ASH2L: variants seen among roughly 807,000 people sequenced by gnomAD.
The protein encoded by ASH2L is ASH2 like, histone lysine methyltransferase complex subunit.
Under a neutral mutation model 81.1 loss-of-function variants are expected in ASH2L, and 30 were observed. That is an observed-to-expected ratio of 0.37 (90% CI 0.28 to 0.50). The LOEUF is 0.50. ASH2L is among the 20% of genes least tolerant of loss of function. The pLI is 0.95. For missense variants in ASH2L, 559 were observed against 792.1 expected (o/e 0.71, Z 3.53); for synonymous variants, 273 against 279.9 (o/e 0.98, Z 0.24).
intron 12 of ASH2L, among the ~76,000 whole-genome samples, chr8:38,131,910 G>A (rs1459908270): frequency 2.6e-5 from 4 of 151,670 alleles, no homozygotes; most frequent in Non-Finnish European, 5.9e-5. Flanking sequence ...GCAGTGGTAC[G>A]CAGTCTCGGC....
At chr8:38,118,033 T>G (rs1403710861) in intron 8 of ASH2L, among the ~76,000 whole-genome samples, 1 of 152,220 alleles carries the variant, frequency 6.6e-6, no homozygotes, top group East Asian at 1.9e-4. Flanking sequence ...CACTCCAGCT[T>G]GGGCAACAGA....
chr8:38,120,831 G>A (rs1811114867), intron 9 of ASH2L, 101 bp from the exon 10 acceptor site: 1 of 931,322 alleles, frequency 1.1e-6, no homozygotes, highest in East Asian at 2.4e-5. Flanking sequence ...GAAGTTGCAT[G>A]TATTCTAGCT....
chr8:38,109,567 C>G (rs1284374089), intron 3 of ASH2L, among the ~76,000 whole-genome samples: 1 of 152,202 alleles, frequency 6.6e-6, no homozygotes, highest in Non-Finnish European at 1.5e-5. Flanking sequence ...TTTCTCTTCT[C>G]AAATGCGTTG....
intron 14 of ASH2L, 61 bp downstream of exon 14, chr8:38,135,827 T>A: frequency 1.5e-6 from 2 of 1,335,916 alleles, no homozygotes; most frequent in Non-Finnish European, 2.1e-6. Flanking sequence ...TGGGTTGTGA[T>A]GACAAAGTTA....
chr8:38,117,402 TTTAA>T (rs1810952000), intron 8 of ASH2L: 1 of 975,806 alleles, frequency 1.0e-6, no homozygotes, highest in African/African-American at 1.8e-5. Context: ...ATTTTCCCGT[TTTAA>T]TTGTTAAAAT....
At chr8:38,106,236 G>T (rs1386611759) in intron 1 of ASH2L, 142 bp from the exon 2 acceptor site, 2 of 1,368,404 alleles carry the variant, frequency 1.5e-6, no homozygotes, top group Non-Finnish European at 2.0e-6. Context: ...ACAGTACCTT[G>T]GGCATCCAGT....
At chr8:38,138,331 A>AGG (rs1300740192) in intron 14 of ASH2L, 1 of 154,102 alleles carries the variant, frequency 6.5e-6, no homozygotes, top group Non-Finnish European at 1.4e-5. Context: ...AGGGGAAAGT[A>AGG]GGAGGGTATG....
At position 38,128,857 on chromosome 8, in the gene ASH2L, C is replaced by A. The variant is rs34167006; in HGVS notation, c.1433C>A (p.Ser478Tyr). The A allele has an allele frequency of 1.2e-6, 2 of 1,614,158 alleles. No individual in the cohort carries two copies. Among genetic ancestry groups the A allele is most frequent in the Non-Finnish European group, 1.7e-6 (2 of 1,180,032 alleles). ...CAGTCCATTGGCAAACACTACTCTT[C>A]TGGCTATGGACAGGGAGACGTCCTG... ...FHQSIGKHYS[S>Y]GYGQGDVLGF... The change falls in exon 12 of 16, where the codon TCT (serine) becomes TAT (tyrosine). Residue 478 changes from serine (S) to tyrosine (Y), a missense_variant. Physicochemically the swap from Ser to Tyr is moderately radical, Grantham distance 144. Coordinates refer to ENST00000343823, the MANE Select transcript of ASH2L (RefSeq NM_004674.5).
At chr8:38,121,343 A>G (rs397833580) in intron 10 of ASH2L, among the ~76,000 whole-genome samples, 194 bp downstream of exon 10, 1 of 35,248 alleles carries the variant, frequency 2.8e-5, no homozygotes, top group African/African-American at 8.7e-5. Flanking sequence ...TTATATATAT[A>G]TATATATATA....
In ASH2L at chr8:38,139,593, C is replaced by T. The variant is rs1802398561; in HGVS notation, c.*522C>T. 1 of 152,588 alleles carries T rather than the reference C, an allele frequency of 6.6e-6. No individual in the cohort carries two copies. Among genetic ancestry groups the T allele is most frequent in the African/African-American group, 2.4e-5 (1 of 41,454 alleles). 9.5% of individuals were successfully genotyped at this position (152,588 alleles called of 1,614,324 possible). A position where few individuals can be genotyped will look rare whatever the true frequency, so the allele number is the denominator to read the frequency against. ...GTTCATTTTGAAATACACTTTTGAA[C>T]ACTGAGATCCGTAAAACTACTAGAT... is the stretch of plus-strand genomic sequence containing the variant. On this transcript the variant is annotated 3_prime_UTR_variant, in exon 16 of 16. Coordinates refer to ENST00000343823, the MANE Select transcript of ASH2L (RefSeq NM_004674.5).
chr8:38,123,087 T>TC (rs1215621297), intron 10 of ASH2L, among the ~76,000 whole-genome samples: 47 of 143,584 alleles, frequency 3.3e-4, no homozygotes, highest in African/African-American at 1.2e-3. Context: ...AATTTCTTTT[T>TC]TTTTTTTTTT....
At chr8:38,136,224 T>C (rs1480665658) in intron 14 of ASH2L, among the ~76,000 whole-genome samples, 1 of 141,142 alleles carries the variant, frequency 7.1e-6, no homozygotes, top group Non-Finnish European at 1.5e-5. Flanking sequence ...GTAGGTGGGG[T>C]GTGCTAATTT....
At chr8:38,137,388 A>AC (rs1401910612) in intron 14 of ASH2L, 4 of 66,006 alleles carry the variant, frequency 6.1e-5, no homozygotes, top group Non-Finnish European at 1.3e-4. Context: ...CTCTAAAAAT[A>AC]CAAAAAAAAA....
chr8:38,112,985 G>C (rs944658753), intron 5 of ASH2L, among the ~76,000 whole-genome samples: 1 of 146,358 alleles, frequency 6.8e-6, no homozygotes, highest in African/African-American at 2.5e-5. Context: ...TTTTTTAATT[G>C]AGATGGAGTC....
In ASH2L at chr8:38,106,440, C is replaced by T. The variant is rs1563248530; in HGVS notation, c.251C>T (p.Thr84Ile). The change falls in exon 2 of 16, where the codon ACA becomes ATA. Residue 84 changes from threonine (T) to isoleucine (I), a missense_variant. Around this residue, in one of 4 missense-constraint regions of ASH2L, gnomAD observed 145 missense variants for 115.5 expected, o/e 1.26. Transcript: ENST00000343823. ...LETESSNGKD[T>I]LEGAGDTSEV... ...ACAGAATCATCTAATGGAAAAGATA[C>T]ACTAGTAAGTATTTTTAGTTGTTTG... The T allele has an allele frequency of 6.2e-7, 1 of 1,612,344 alleles. No individual in the cohort carries two copies. The highest frequency in any genetic ancestry group is 8.5e-7 in the Non-Finnish European group (1 of 1,178,728).
chr8:38,106,319 A>G, intron 1 of ASH2L, 59 bp from the exon 2 acceptor site: 1 of 1,523,934 alleles, frequency 6.6e-7, no homozygotes, highest in East Asian at 2.3e-5. Flanking sequence ...ATTTTTGGGA[A>G]TAGGCATTTT....
At chr8:38,113,896 A>G (rs752815434) in intron 5 of ASH2L, among the ~76,000 whole-genome samples, 25 of 152,226 alleles carry the variant, frequency 1.6e-4, no homozygotes, top group Non-Finnish European at 3.2e-4. Context: ...TCATCTTCCA[A>G]TTGACAGCCA....
intron 10 of ASH2L, chr8:38,124,170 C>T (rs1415977714): frequency 2.6e-5 from 4 of 151,812 alleles, no homozygotes; most frequent in Non-Finnish European, 2.9e-5. Flanking sequence ...TGAATAGCAG[C>T]GTGCTATATA....
chr8:38,106,046 G>A (rs973599314), intron 1 of ASH2L: 1 of 1,526,434 alleles, frequency 6.6e-7, no homozygotes, highest in Non-Finnish European at 8.8e-7. Flanking sequence ...AAACCACTTT[G>A]CAGTGCCAGA....
Sources: allele counts gnomAD v4.1 joint callset (sites outside exome capture counted in the v4.1 genomes callset), GRCh38; gene constraint gnomAD v4.1.1; regional missense constraint gnomAD v4.1.1; transcripts MANE v1.5; gene names NCBI Gene and HGNC (gene_info 2026-07-23, HGNC 2026-07-21).